Variants in SLC35F1 observed in about 807,000 individuals in gnomAD.
The protein encoded by SLC35F1 is chromosome 6 open reading frame 169.
SLC35F1 carries 14 observed loss-of-function variants against 48.7 expected under a neutral mutation model. That is an observed-to-expected ratio of 0.29 (90% CI 0.19 to 0.45). The LOEUF is 0.45. Among genes scored for constraint, SLC35F1 ranks in the 20% least tolerant of loss-of-function variants. SLC35F1 has a pLI of 1.00. For missense variants in SLC35F1, 404 were observed against 500.0 expected, an observed-to-expected ratio of 0.81 and a Z score of 1.83; for synonymous variants, 190 against 202.2, an observed-to-expected ratio of 0.94 and a Z score of 0.51.
At chr6:118,061,590 G>GTATATATATATATATATATATATA (rs58046512) in intron 1 of SLC35F1, among the ~76,000 whole-genome samples, 24 of 144,410 alleles carry the variant, frequency 1.7e-4, no homozygotes, top group African/African-American at 5.6e-4. Context: ...GTGTGTGTGT[G>GTATATATATATATATATATATATA]TATATATATA....
intron 1 of SLC35F1, among the ~76,000 whole-genome samples, chr6:118,135,709 C>A (rs1390745394): frequency 6.6e-6 from 1 of 152,216 alleles, no homozygotes; most frequent in Non-Finnish European, 1.5e-5. Flanking sequence ...GAGGTTACAG[C>A]TTTAACAGCA....
intron 4 of SLC35F1, among the ~76,000 whole-genome samples, chr6:118,267,877 G>T (rs1203208996): frequency 6.6e-6 from 1 of 152,022 alleles, no homozygotes; most frequent in African/African-American, 2.4e-5. Context: ...TTAAAGCATT[G>T]CAATTCTTTA....
intron 7 of SLC35F1, among the ~76,000 whole-genome samples, chr6:118,291,284 C>T (rs896036545): frequency 1.2e-4 from 16 of 133,804 alleles, no homozygotes; most frequent in South Asian, 9.7e-4. Context: ...CACACACACA[C>T]ATATATAATA....
chr6:118,169,553 C>T (rs911499288), intron 2 of SLC35F1, among the ~76,000 whole-genome samples: 10 of 152,254 alleles, frequency 6.6e-5, no homozygotes, highest in African/African-American at 1.4e-4. Flanking sequence ...CTTACAGATG[C>T]GCTCTCTCGA....
intron 1 of SLC35F1, among the ~76,000 whole-genome samples, chr6:117,932,304 A>G (rs778308371): frequency 6.6e-6 from 1 of 152,206 alleles, no homozygotes; most frequent in Non-Finnish European, 1.5e-5. Flanking sequence ...TAGCAGCAGG[A>G]ACAGACTAAG....
At chr6:118,132,732 G>A (rs1266638726) in intron 1 of SLC35F1, among the ~76,000 whole-genome samples, 1 of 152,092 alleles carries the variant, frequency 6.6e-6, no homozygotes, top group Non-Finnish European at 1.5e-5. Flanking sequence ...TTTCCCATAG[G>A]GAATGATTTG....
intron 2 of SLC35F1, among the ~76,000 whole-genome samples, chr6:118,168,215 T>C (rs205950): frequency 0.083 from 12,594 of 152,126 alleles, 1,594 homozygotes; most frequent in African/African-American, 0.27. Flanking sequence ...TTAGACTTAG[T>C]TGTGGCCGCT....
chr6:118,210,428 G>C (rs1774987854), intron 2 of SLC35F1, among the ~76,000 whole-genome samples: 1 of 152,136 alleles, frequency 6.6e-6, no homozygotes, highest in African/African-American at 2.4e-5. Context: ...ATTCTAATTT[G>C]CTTGAATTAA....
chr6:118,241,141 G>A (rs1336054353), intron 3 of SLC35F1, among the ~76,000 whole-genome samples: 1 of 152,176 alleles, frequency 6.6e-6, no homozygotes, highest in South Asian at 2.1e-4. Context: ...ATGACTTAAT[G>A]TTGTAGGTAA....
intron 1 of SLC35F1, among the ~76,000 whole-genome samples, chr6:118,032,604 G>T (rs776074682): frequency 3.0e-4 from 46 of 152,198 alleles, no homozygotes; most frequent in Non-Finnish European, 5.7e-4. Flanking sequence ...ACAATATGCT[G>T]TTTCTCTTCC....
intron 7 of SLC35F1, among the ~76,000 whole-genome samples, chr6:118,310,505 C>CT (rs933220554): frequency 6.6e-6 from 1 of 151,894 alleles, no homozygotes; most frequent in African/African-American, 2.4e-5. Flanking sequence ...AAAAATAAAA[C>CT]TTTTTTTACT....
chr6:117,914,283 T>C (rs1314524989), intron 1 of SLC35F1, among the ~76,000 whole-genome samples: 3 of 150,798 alleles, frequency 2.0e-5, no homozygotes, highest in Non-Finnish European at 2.9e-5. Context: ...CCCTTAAATA[T>C]AGTTTTGCAA....
At chr6:117,917,219 A>G (rs973401325) in intron 1 of SLC35F1, among the ~76,000 whole-genome samples, 1 of 152,162 alleles carries the variant, frequency 6.6e-6, no homozygotes, top group Non-Finnish European at 1.5e-5. Flanking sequence ...ACAAGTCTTC[A>G]TAATGATGTG....
intron 1 of SLC35F1, among the ~76,000 whole-genome samples, chr6:117,941,536 T>G (rs1776233158): frequency 6.6e-6 from 1 of 152,206 alleles, no homozygotes; most frequent in East Asian, 1.9e-4. Context: ...CCAGGAATCA[T>G]AGAGGTGTCA....
At chr6:118,167,553 T>C (rs1249468078) in intron 2 of SLC35F1, among the ~76,000 whole-genome samples, 1 of 152,122 alleles carries the variant, frequency 6.6e-6, no homozygotes, top group Non-Finnish European at 1.5e-5. Context: ...TATCTAAATA[T>C]ATCTAAATAT....
At chr6:118,280,307 G>A (rs757615121) in intron 6 of SLC35F1, among the ~76,000 whole-genome samples, 21 of 152,146 alleles carry the variant, frequency 1.4e-4, no homozygotes, top group Non-Finnish European at 1.8e-4. Context: ...GGGTCATACT[G>A]TCATACTGTG....
rs569631863 is a variant in SLC35F1, at chr6:118,167,417, C to T, written c.349+12797C>T. Among the ~76,000 whole-genome samples the T allele has an allele frequency of 7.0e-4, 106 of 152,282 alleles. 1 individual carries two copies. Among genetic ancestry groups the T allele is most frequent in the African/African-American group, 2.4e-3 (101 of 41,562 alleles). ...CCTAGATGTTATAGCCTACTACACA[C>T]CTAGGCTACATGGTTAGCCTATATG... On this transcript the variant is annotated intron_variant, in intron 2 of 7. Coordinates refer to ENST00000360388, the MANE Select transcript of SLC35F1 (RefSeq NM_001029858.4).
chr6:117,912,702 G>T (rs1775778068), intron 1 of SLC35F1, among the ~76,000 whole-genome samples: 1 of 152,086 alleles, frequency 6.6e-6, no homozygotes, highest in Non-Finnish European at 1.5e-5. Flanking sequence ...ATGTCTGAAG[G>T]GTGCATTTGT....
intron 1 of SLC35F1, among the ~76,000 whole-genome samples, chr6:118,085,487 C>CT (rs59548308): frequency 0.16 from 8,774 of 56,472 alleles, 2,950 homozygotes; most frequent in African/African-American, 0.24. Context: ...TCTTTCTTTC[C>CT]TTTTTTTTTT....
Sources: allele counts gnomAD v4.1 joint callset (sites outside exome capture counted in the v4.1 genomes callset), GRCh38; gene constraint gnomAD v4.1.1; transcripts MANE v1.5; gene names NCBI Gene and HGNC (gene_info 2026-07-23, HGNC 2026-07-21).